Variants in LUZP1 observed in about 807,000 individuals in gnomAD.
The protein encoded by LUZP1 is leucine zipper protein 1, also known as filamin mechanobinding actin cross-linking protein.
Under a neutral mutation model 71.3 loss-of-function variants are expected in LUZP1, and 25 were observed. That is an observed-to-expected ratio of 0.35 (90% CI 0.26 to 0.49). The LOEUF is 0.49. Among genes scored for constraint, LUZP1 ranks in the 20% least tolerant of loss-of-function variants. LUZP1 has a pLI of 0.99. For missense variants in LUZP1, 1,142 were observed against 1,300.8 expected (o/e 0.88, Z 1.88); for synonymous variants, 481 against 506.4 (o/e 0.95, Z 0.67).
chr1:23,161,628 G>GTA (rs912081681), intron 2 of LUZP1, among the ~76,000 whole-genome samples: 2 of 152,104 alleles, frequency 1.3e-5, no homozygotes, highest in African/African-American at 4.8e-5. Flanking sequence ...AGAAGTTAGC[G>GTA]TAACAGAGGC....
At chr1:23,174,381 C>A (rs1644570885) in intron 1 of LUZP1, among the ~76,000 whole-genome samples, 1 of 152,178 alleles carries the variant, frequency 6.6e-6, no homozygotes, top group African/African-American at 2.4e-5. Flanking sequence ...ATCATGCCCA[C>A]CCACATTGGT....
chr1:23,112,306 C>A lies in LUZP1; in HGVS notation c.-225-3179G>T, dbSNP rs527520054. On this transcript the variant is annotated intron_variant, in intron 2 of 4. Transcript: ENST00000302291. ...ATCCATCCTCATCACTTCCCTCAAG[C>A]ATCTCTTCTGGCACTTATTGTTTCT... Among the ~76,000 whole-genome samples the A allele has an allele frequency of 1.2e-4, 19 of 152,316 alleles. No homozygotes were observed. The South Asian group carries it at 3.9e-3, about 32-fold the overall frequency.
At chr1:23,166,157 C>G (rs571907885) in intron 2 of LUZP1, among the ~76,000 whole-genome samples, 54 of 151,860 alleles carry the variant, frequency 3.6e-4, no homozygotes, top group Non-Finnish European at 7.2e-4. Context: ...ATGACTTATT[C>G]TAGGGCCCAC....
chr1:23,170,462 CTTTTTTTTT>C (rs200073505), intron 1 of LUZP1, among the ~76,000 whole-genome samples: 231 of 127,436 alleles, frequency 1.8e-3, no homozygotes, highest in Non-Finnish European at 2.9e-3. Context: ...CTTTTTCTTT[CTTTTTTTTT>C]TTTTTTTTTT....
intron 2 of LUZP1, among the ~76,000 whole-genome samples, chr1:23,117,466 TCTCTCTCTCTCCC>T (rs1557653666): frequency 2.8e-5 from 1 of 35,238 alleles, no homozygotes; most frequent in East Asian, 1.4e-3. Flanking sequence ...TCTCTCTCTC[TCTCTCTCTCTCCC>T]CCCCCCCCCC....
intron 3 of LUZP1, among the ~76,000 whole-genome samples, chr1:23,104,135 C>T (rs1643960079): frequency 6.6e-6 from 1 of 151,918 alleles, no homozygotes; most frequent in African/African-American, 2.4e-5. Flanking sequence ...TCCTTCCAAG[C>T]CCCCACAACC....
intron 2 of LUZP1, among the ~76,000 whole-genome samples, chr1:23,167,072 CA>C (rs1285916793): frequency 1.3e-5 from 2 of 152,092 alleles, no homozygotes; most frequent in Non-Finnish European, 2.9e-5. Context: ...GAATTCTGAG[CA>C]AAACAATTAT....
intron 2 of LUZP1, among the ~76,000 whole-genome samples, chr1:23,138,287 T>A (rs1239708627): frequency 5.3e-5 from 8 of 152,130 alleles, no homozygotes; most frequent in Admixed American, 3.3e-4. Flanking sequence ...AAATGTAGTA[T>A]TATTATACAA....
chr1:23,168,294 G>A (rs1173217179), intron 2 of LUZP1, among the ~76,000 whole-genome samples: 2 of 144,134 alleles, frequency 1.4e-5, no homozygotes, highest in Non-Finnish European at 3.1e-5. Context: ...TCCGGTGCCC[G>A]CCGGGCCCCG....
chr1:23,170,170 T>C (rs890196222), intron 1 of LUZP1, among the ~76,000 whole-genome samples: 14 of 152,156 alleles, frequency 9.2e-5, no homozygotes, highest in African/African-American at 3.1e-4. Flanking sequence ...GCATGAACAC[T>C]ACAACTTATA....
At chr1:23,146,831 C>T (rs1339793748) in intron 2 of LUZP1, among the ~76,000 whole-genome samples, 1 of 151,812 alleles carries the variant, frequency 6.6e-6, no homozygotes, top group African/African-American at 2.4e-5. Flanking sequence ...GGCGCGATGG[C>T]TCACGCCTGT....
At position 23,175,387 on chromosome 1, in the gene LUZP1, T is replaced by C. The variant is rs61781471; in HGVS notation, c.-485+2104A>G. Among the ~76,000 whole-genome samples the C allele has an allele frequency of 8.6e-3, 1,313 of 152,298 alleles. 11 individuals carry two copies. Among genetic ancestry groups the C allele is most frequent in the Middle Eastern group, 0.017 (5 of 294 alleles). ...TAAGTGCTTTGTAAATCGTAACACA[T>C]AATACAAAGGAAAGGCATCTCAGCT... On this transcript the variant is annotated intron_variant, in intron 1 of 4. Transcript: ENST00000302291.
At chr1:23,137,633 C>T (rs1465335787) in intron 2 of LUZP1, among the ~76,000 whole-genome samples, 2 of 151,832 alleles carry the variant, frequency 1.3e-5, no homozygotes, top group Admixed American at 6.6e-5. Context: ...AAGAGTGAAA[C>T]TCCATCTCAA....
intron 3 of LUZP1, among the ~76,000 whole-genome samples, chr1:23,099,618 T>C (rs901487844): frequency 6.6e-6 from 1 of 152,212 alleles, no homozygotes; most frequent in Non-Finnish European, 1.5e-5. Context: ...TTATCATAAT[T>C]CTGAATTCAG....
At chr1:23,107,993 T>C (rs1382890734) in intron 3 of LUZP1, among the ~76,000 whole-genome samples, 2 of 152,210 alleles carry the variant, frequency 1.3e-5, no homozygotes. Context: ...TTCCCACTCA[T>C]TCTGAGCTAC....
intron 2 of LUZP1, among the ~76,000 whole-genome samples, chr1:23,117,454 C>CCT (rs1185318512): frequency 0.012 from 161 of 13,362 alleles, 6 homozygotes; most frequent in African/African-American, 0.046. Context: ...TTTTTTTTTT[C>CCT]CTCTCTCTCT....
At chr1:23,091,391 G>A in exon 4 of LUZP1, 4 of 1,614,152 alleles carry the variant, frequency 2.5e-6, no homozygotes, top group Non-Finnish European at 3.4e-6. Flanking sequence ...AGAAGTCTGT[G>A]GAAGACCTCT....
At chr1:23,108,640 G>C (rs557928741) in intron 3 of LUZP1, among the ~76,000 whole-genome samples, 43 of 152,296 alleles carry the variant, frequency 2.8e-4, no homozygotes, top group African/African-American at 1.0e-3. Context: ...TTGAAACCTA[G>C]TTCTACTACT....
At chr1:23,139,019 A>AAAAAAATAT (rs1317355746) in intron 2 of LUZP1, among the ~76,000 whole-genome samples, 148 of 59,920 alleles carry the variant, frequency 2.5e-3, no homozygotes, top group South Asian at 3.2e-3. Context: ...AAAAAAAAAA[A>AAAAAAATAT]ATATATATAT....
Sources: gnomAD v4.1 joint callset for allele counts (sites outside exome capture counted in the v4.1 genomes callset) on GRCh38, gnomAD v4.1.1 for gene constraint, MANE v1.5 for transcripts, NCBI Gene and HGNC (gene_info 2026-07-23, HGNC 2026-07-21) for gene names.